Variants in LDLRAP1 observed in about 807,000 individuals in gnomAD.
LDLRAP1 encodes low density lipoprotein receptor adaptor protein 1, also known as low density lipoprotein receptor adapter protein 1.
Under a neutral mutation model 37.8 loss-of-function variants are expected in LDLRAP1, and 30 were observed. The ratio of observed to expected loss-of-function variants is 0.79; its 90% CI spans 0.59 to 1.08. LDLRAP1 has a LOEUF of 1.08. Among genes scored for constraint, LDLRAP1 ranks in the 50% least tolerant of loss-of-function variants. The pLI is 0.00. For synonymous variants in LDLRAP1, 156 were observed against 169.8 expected (o/e 0.92, Z 0.63); for missense variants, 375 against 401.6 (o/e 0.93, Z 0.57).
intron 1 of LDLRAP1, among the ~76,000 whole-genome samples, chr1:25,547,137 A>G (rs984161629): frequency 1.3e-5 from 2 of 152,188 alleles, no homozygotes; most frequent in Non-Finnish European, 1.5e-5. Flanking sequence ...ATGGCAGGAA[A>G]TATTGTTAGG....
chr1:25,569,044 G>T (rs543711047), downstream of LDLRAP1, among the ~76,000 whole-genome samples: 10 of 152,236 alleles, frequency 6.6e-5, no homozygotes, highest in Admixed American at 6.5e-4. Flanking sequence ...TGAAGGCCCA[G>T]TGGGGCCCCC....
At chr1:25,564,079 G>A (rs1008594931) in intron 7 of LDLRAP1, 2 of 452,258 alleles carry the variant, frequency 4.4e-6, no homozygotes, top group Non-Finnish European at 8.2e-6. Flanking sequence ...AGCCAAAGGC[G>A]CCCTTGTTCT....
chr1:25,579,997 A>G, the LDLRAP1 span, among the ~76,000 whole-genome samples: 2 of 152,192 alleles, frequency 1.3e-5, no homozygotes, highest in African/African-American at 4.8e-5. Context: ...TCGCTAATTT[A>G]AGCAGAAAGG....
chr1:25,560,342 T>A (rs962900579), intron 4 of LDLRAP1, among the ~76,000 whole-genome samples: 1 of 152,046 alleles, frequency 6.6e-6, no homozygotes, highest in Non-Finnish European at 1.5e-5. Context: ...CCATTGAGGT[T>A]GGGGGAGAAA....
Position 25,567,202 on chromosome 1 carries a change from A to G in LDLRAP1, c.*210A>G. ...CTGAGAACCAAAAGATGCCTTGAAT[A>G]TTTATTCAGTGACTTCTGGCTTATG... On this transcript the variant is annotated 3_prime_UTR_variant, in exon 9 of 9. Coordinates refer to ENST00000374338, the MANE Select transcript of LDLRAP1 (RefSeq NM_015627.3). The G allele has an allele frequency of 1.6e-6, 1 of 630,098 alleles. No homozygotes were observed. Among genetic ancestry groups the G allele is most frequent in the Non-Finnish European group, 2.8e-6 (1 of 355,372 alleles). 39.0% of individuals were successfully genotyped at this position (630,098 alleles called of 1,614,324 possible).
At chr1:25,578,617 C>T in the LDLRAP1 span, among the ~76,000 whole-genome samples, 2 of 152,070 alleles carry the variant, frequency 1.3e-5, no homozygotes, top group African/African-American at 2.4e-5. Context: ...CCGGCCCAAG[C>T]GACCCTTCCA....
chr1:25,582,794 G>A, the LDLRAP1 span, among the ~76,000 whole-genome samples: 9 of 151,944 alleles, frequency 5.9e-5, no homozygotes, highest in Admixed American at 3.3e-4. Context: ...ACAATGAGCC[G>A]GGTACGGTGG....
At chr1:25,569,554 C>T (rs2044573944), downstream of LDLRAP1, among the ~76,000 whole-genome samples, 1 of 152,164 alleles carries the variant, frequency 6.6e-6, no homozygotes, top group African/African-American at 2.4e-5. Context: ...TTTTACCACC[C>T]TGGGTTTTGT....
Position 25,555,242 on chromosome 1 carries a change from G to A in LDLRAP1, c.344+270G>A, listed in dbSNP as rs948518146. 1.3e-5 allele frequency among the ~76,000 whole-genome samples: 2 copies of A among 152,214 alleles called. No individual in the cohort carries two copies. The highest frequency in any genetic ancestry group is 2.4e-5 in the African/African-American group (1 of 41,448). ...TTGCAGAAGACAGCTGAGCCCACCC[G>A]TGCCCTTCCCCCCTACTCCCCACCA... On this transcript the variant is annotated intron_variant, in intron 3 of 8. Coordinates refer to ENST00000374338, the MANE Select transcript of LDLRAP1 (RefSeq NM_015627.3). This position sits in a 1 kb window ranked among gnomAD's most constrained non-coding sequence, Gnocchi z 4.7.
intron 4 of LDLRAP1, 88 bp from the exon 5 acceptor site, chr1:25,562,556 C>T (rs2044367474): frequency 8.9e-7 from 1 of 1,121,838 alleles, no homozygotes; most frequent in Non-Finnish European, 1.4e-6. Context: ...GCCAGGGGGC[C>T]TGGCCTGGAG....
chr1:25,548,369 A>C (rs1275090862), intron 1 of LDLRAP1, among the ~76,000 whole-genome samples: 1 of 98,686 alleles, frequency 1.0e-5, no homozygotes, highest in Non-Finnish European at 1.9e-5. Flanking sequence ...TTTTTTTAAG[A>C]GGGAGTCTCC....
intron 7 of LDLRAP1, chr1:25,564,899 CAGGT>C (rs922119121): frequency 1.8e-5 from 9 of 488,314 alleles, no homozygotes; most frequent in Non-Finnish European, 3.4e-5. Context: ...GTCTCACGGG[CAGGT>C]AGCATGGACC....
chr1:25,589,532 G>A, the LDLRAP1 span, among the ~76,000 whole-genome samples: 1 of 152,148 alleles, frequency 6.6e-6, no homozygotes, highest in Non-Finnish European at 1.5e-5. Flanking sequence ...TCACACCAAT[G>A]TGGGTAGGCA....
At chr1:25,580,924 C>T in the LDLRAP1 span, among the ~76,000 whole-genome samples, 1 of 152,144 alleles carries the variant, frequency 6.6e-6, no homozygotes. Context: ...TGTGAGAACC[C>T]GGCAGGACAC....
At chr1:25,547,486 T>TAATAAATAAATA (rs71014373) in intron 1 of LDLRAP1, among the ~76,000 whole-genome samples, 182 of 145,838 alleles carry the variant, frequency 1.2e-3, no homozygotes, top group African/African-American at 2.3e-3. Context: ...TTGTCTCAAA[T>TAATAAATAAATA]AATAAATAAA....
Position 25,553,947 on chromosome 1 carries a change from G to A in LDLRAP1, c.114G>A (p.Thr38=), listed in dbSNP as rs138908999. ...AGCTGCCTGAGAACTGGACAGACAC[G>A]CGGGAGACGCTGCTGGAGGGGATGC... ...HRKLPENWTD[T]RETLLEGMLF... The change falls in exon 2 of 9, where the codon ACG becomes ACA. Residue 38 remains threonine (T), a synonymous_variant. Coordinates refer to ENST00000374338, the MANE Select transcript of LDLRAP1 (RefSeq NM_015627.3). The A allele has an allele frequency of 5.0e-6, 8 of 1,613,844 alleles. No homozygotes were observed. The highest frequency in any genetic ancestry group is 3.3e-5 in the South Asian group (3 of 91,078).
chr1:25,566,310 AG>A (rs2044476998), intron 8 of LDLRAP1, among the ~76,000 whole-genome samples: 1 of 152,182 alleles, frequency 6.6e-6, no homozygotes, highest in South Asian at 2.1e-4. Flanking sequence ...GCGATGTGTC[AG>A]AAGCATTGCT....
the LDLRAP1 span, among the ~76,000 whole-genome samples, chr1:25,577,099 C>T: frequency 3.3e-5 from 5 of 152,344 alleles, no homozygotes; most frequent in East Asian, 3.9e-4. Context: ...GTGCCATCCC[C>T]GCATTCACCT....
chr1:25,565,872 C>T (rs972503732), intron 8 of LDLRAP1, among the ~76,000 whole-genome samples: 1 of 152,180 alleles, frequency 6.6e-6, no homozygotes, highest in African/African-American at 2.4e-5. Flanking sequence ...AGCCCTCCCA[C>T]ATCAGGGGCT....
Sources: allele counts gnomAD v4.1 joint callset (sites outside exome capture counted in the v4.1 genomes callset), GRCh38; gene constraint gnomAD v4.1.1; non-coding constraint Gnocchi (gnomAD v3.1); transcripts MANE v1.5; gene names NCBI Gene and HGNC (gene_info 2026-07-23, HGNC 2026-07-21).